PNPLA7: variants seen among roughly 807,000 people sequenced by gnomAD.
The protein encoded by PNPLA7 is patatin like domain 7, lysophospholipase, also known as patatin-like phospholipase domain-containing protein 7.
In PNPLA7, 153 loss-of-function variants were observed where a neutral mutation model predicts 161.7. That is an observed-to-expected ratio of 0.95 (90% CI 0.83 to 1.08). PNPLA7 has a LOEUF of 1.08. PNPLA7 is among the 50% of genes least tolerant of loss of function. The probability of loss-of-function intolerance (pLI) is 0.00; values close to 1 mark genes in which losing one functional copy is unlikely to be tolerated. For missense variants in PNPLA7, 1,739 were observed against 1,856.6 expected, an observed-to-expected ratio of 0.94 and a Z score of 1.16; for synonymous variants, 809 against 782.1, an observed-to-expected ratio of 1.03 and a Z score of -0.57.
intron 19 of PNPLA7, among the ~76,000 whole-genome samples, chr9:137,494,094 G>C (rs777067923): frequency 6.6e-6 from 1 of 152,140 alleles, no homozygotes; most frequent in African/African-American, 2.4e-5. Context: ...GCAACATGCT[G>C]TGGGCCACAC....
At chr9:137,474,504 A>G (rs28690324) in intron 25 of PNPLA7, among the ~76,000 whole-genome samples, 9,305 of 152,228 alleles carry the variant, frequency 0.061, 940 homozygotes, top group African/African-American at 0.21. Context: ...GGCGACGAGC[A>G]TTCTCAGGAG....
At chr9:137,497,163 G>A (rs1833102908) in intron 18 of PNPLA7, 24 bp downstream of exon 18, 1 of 1,524,240 alleles carries the variant, frequency 6.6e-7, no homozygotes, top group Non-Finnish European at 8.8e-7. Context: ...GGTGGGGGAG[G>A]CAGGAGCAGG....
At chr9:137,492,266 G>A in intron 20 of PNPLA7, 3 of 984,832 alleles carry the variant, frequency 3.0e-6, no homozygotes, top group Non-Finnish European at 3.6e-6. Flanking sequence ...AGGAGAGAGA[G>A]CACTCTCCGC....
intron 8 of PNPLA7, among the ~76,000 whole-genome samples, chr9:137,532,880 G>A (rs547386759): frequency 1.3e-5 from 2 of 152,274 alleles, no homozygotes; most frequent in African/African-American, 4.8e-5. Context: ...ACGAATCCAA[G>A]AACAGTGTCC....
rs141826054 is a variant in PNPLA7 at position 137,522,828 on chromosome 9, G to A, written c.777C>T (p.Ser259=). 2.2e-4 allele frequency: 360 copies of A among 1,613,648 alleles called. 2 individuals carry two copies. In the South Asian group the frequency reaches 3.4e-3, roughly 15 times the overall value. Residue 259 remains serine, a synonymous_variant, in exon 9 of 35, where the codon TCC becomes TCT. Transcript: ENST00000406427. ...TGGTGGACGGGATGGCCGCGCGGAC[G>A]GAGACCGTTTTGTAAGGTGCAGCAT... The part of the protein sequence containing the change: ...TGHAAPYKTV[S]VRAAIPSTIL...
At chr9:137,487,524 G>A (rs1300461217) in intron 20 of PNPLA7, among the ~76,000 whole-genome samples, 3 of 152,246 alleles carry the variant, frequency 2.0e-5, no homozygotes, top group Non-Finnish European at 2.9e-5. Flanking sequence ...GGGCACTGGC[G>A]CCTCAGCACC....
chr9:137,543,572 C>A lies in PNPLA7; in HGVS notation c.366G>T (p.Arg122Ser), dbSNP rs200091133. ...GGTATTCCTTCTTGAAACGCAGAAT[C>A]CTACAAGGCAGAGACACACTAGCCT... ...KRTKVLSLAK[R>S]ILRFKKEYPA... Residue 122 changes from arginine (R) to serine (S), a missense_variant and splice_region_variant, in exon 6 of 35, where the codon AGG becomes AGT. Arg to Ser is a moderately radical substitution (Grantham distance 110, BLOSUM62 -1). Around this residue, in one of 6 missense-constraint regions of PNPLA7, gnomAD observed 209 missense variants for 252.8 expected, o/e 0.83. Coordinates refer to ENST00000406427, the MANE Select transcript of PNPLA7 (RefSeq NM_001098537.3). The surrounding 1 kb of genome is among the most constrained non-coding windows in gnomAD (Gnocchi z 6.9). 32 of 1,610,804 alleles carry A rather than the reference C, an allele frequency of 2.0e-5. No individual in the cohort carries two copies. The highest frequency in any genetic ancestry group is 2.6e-5 in the Non-Finnish European group (31 of 1,178,504).
At chr9:137,491,701 CCT>C (rs1297561256) in intron 20 of PNPLA7, 37 of 985,306 alleles carry the variant, frequency 3.8e-5, no homozygotes, top group Middle Eastern at 5.2e-4. Context: ...CACTTCGCTG[CCT>C]CTGTGTGGCC....
At chr9:137,478,199 G>T (rs112696416) in intron 24 of PNPLA7, 47 bp from the exon 25 acceptor site, 3 of 1,235,960 alleles carry the variant, frequency 2.4e-6, no homozygotes, top group Non-Finnish European at 2.1e-6. Context: ...CCCCACCCTC[G>T]GCCGAGACCT....
intron 8 of PNPLA7, among the ~76,000 whole-genome samples, chr9:137,531,951 G>A (rs905677301): frequency 3.3e-5 from 5 of 152,252 alleles, no homozygotes; most frequent in African/African-American, 1.2e-4. Context: ...ACTTGTTTTA[G>A]AGACAGGGTC....
intron 11 of PNPLA7, chr9:137,516,395 A>G (rs1834572546): frequency 2.0e-6 from 2 of 984,942 alleles, no homozygotes; most frequent in Admixed American, 1.2e-4. Flanking sequence ...ACAGAGGCCC[A>G]TGAGCACCCC....
In PNPLA7 at chr9:137,460,756, C is replaced by T; in HGVS notation, c.3842-19G>A. 1 of 1,602,820 alleles carries T rather than the reference C, an allele frequency of 6.2e-7. No homozygotes were observed. Among genetic ancestry groups the T allele is most frequent in the Non-Finnish European group, 8.5e-7 (1 of 1,172,740 alleles). ...GATTCGTCTGGCACCGAGGGTAGGG[C>T]TGCGTCAGTCCCCTCCCAAGGAAGG... is the stretch of plus-strand genomic sequence containing the variant. On this transcript the variant is annotated intron_variant, in intron 33 of 34. Coordinates refer to ENST00000406427, the MANE Select transcript of PNPLA7 (RefSeq NM_001098537.3).
chr9:137,487,766 T>C (rs1302453602), intron 20 of PNPLA7, among the ~76,000 whole-genome samples: 2 of 152,204 alleles, frequency 1.3e-5, no homozygotes, highest in Non-Finnish European at 2.9e-5. Flanking sequence ...CCTCCAGTTC[T>C]ACCCAACCCC....
Position 137,540,984 on chromosome 9 carries a change from G to A in PNPLA7, c.667-262C>T, listed in dbSNP as rs1564368119. On this transcript the variant is annotated intron_variant, in intron 7 of 34. Coordinates refer to ENST00000406427, the MANE Select transcript of PNPLA7 (RefSeq NM_001098537.3). This position sits in a 1 kb window ranked among gnomAD's most constrained non-coding sequence, Gnocchi z 5.1. ...TCCCATGACTCGTCTTCAATGTGGG[G>A]ACTGAGGCAAAAGCTCGCAGAGCCT... The A allele has an allele frequency of 1.6e-5, 7 of 430,378 alleles. No individual in the cohort carries two copies. In the Admixed American group the frequency reaches 2.0e-4, roughly 13 times the overall value. The allele number at this position is 430,378 out of a possible 1,614,324, so 26.7% of individuals were successfully genotyped here. A position where few individuals can be genotyped will look rare whatever the true frequency, so the allele number is the denominator to read the frequency against.
intron 11 of PNPLA7, 71 bp from the exon 12 acceptor site, chr9:137,515,590 G>C (rs964157840): frequency 1.4e-6 from 2 of 1,450,144 alleles, no homozygotes; most frequent in Admixed American, 5.3e-5. Flanking sequence ...CCCATTCGGG[G>C]CCACGCAGGG....
intron 14 of PNPLA7, among the ~76,000 whole-genome samples, chr9:137,502,309 A>C (rs1833478624): frequency 6.6e-6 from 1 of 152,144 alleles, no homozygotes; most frequent in African/African-American, 2.4e-5. Context: ...GTAAACCCCC[A>C]GTCCACAGTG....
At chr9:137,503,151 G>A (rs1223891559) in intron 14 of PNPLA7, among the ~76,000 whole-genome samples, 1 of 152,056 alleles carries the variant, frequency 6.6e-6, no homozygotes, top group African/African-American at 2.4e-5. Context: ...GGAGGCCGAG[G>A]CAGGTAGATC....
At position 137,499,600 on chromosome 9, in the gene PNPLA7, C is replaced by G. The variant is rs375162232; in HGVS notation, c.1757+1091G>C. 6.6e-4 allele frequency among the ~76,000 whole-genome samples: 101 copies of G among 152,344 alleles called. No individual in the cohort carries two copies. The South Asian group carries it at 0.021, about 31-fold the overall frequency. On this transcript the variant is annotated intron_variant, in intron 16 of 34. Transcript: ENST00000406427. The surrounding 1 kb of genome is among the most constrained non-coding windows in gnomAD (Gnocchi z 5.5). ...CAGCACGCTGCGGTGTCAGGGCACC[C>G]GGCATCGGGACCTGGCTGGAGCCAC...
At position 137,461,922 on chromosome 9, in the gene PNPLA7, C is replaced by G. The variant is rs4962240; in HGVS notation, c.3756+9G>C. 4 of 1,554,194 alleles carry G rather than the reference C, an allele frequency of 2.6e-6. No individual in the cohort carries two copies. Among genetic ancestry groups the G allele is most frequent in the Non-Finnish European group, 3.5e-6 (4 of 1,155,254 alleles). On this transcript the variant is annotated intron_variant, in intron 32 of 34. Coordinates refer to ENST00000406427, the MANE Select transcript of PNPLA7 (RefSeq NM_001098537.3). Reference sequence around the variant, plus strand: ...GGGAGCTGGGCGTGGTCCGGACGCCCGTACTCACCGCACTCGCGGGCTTCT... The same window carrying G: ...GGGAGCTGGGCGTGGTCCGGACGCCGGTACTCACCGCACTCGCGGGCTTCT...
Sources: gnomAD v4.1 joint callset for allele counts (sites outside exome capture counted in the v4.1 genomes callset) on GRCh38, gnomAD v4.1.1 for gene constraint, gnomAD v4.1.1 regional missense constraint, Gnocchi (gnomAD v3.1) non-coding constraint, MANE v1.5 for transcripts, NCBI Gene and HGNC (gene_info 2026-07-23, HGNC 2026-07-21) for gene names.